Variants in OR6N1 observed in about 807,000 individuals in gnomAD.
OR6N1 encodes the protein olfactory receptor 6N1.
For synonymous variants in OR6N1, 170 were observed against 150.7 expected (o/e 1.13, Z -0.94); for missense variants, 394 against 371.7 (o/e 1.06, Z -0.49).
the OR6N1 span, among the ~76,000 whole-genome samples, chr1:158,811,502 G>A: frequency 2.0e-5 from 3 of 152,012 alleles, no homozygotes; most frequent in African/African-American, 4.8e-5. Context: ...ATCACTATCA[G>A]CATCATTTTC....
chr1:158,776,999 A>G (rs772614583), upstream of OR6N1: 2 of 1,614,176 alleles, frequency 1.2e-6, no homozygotes, highest in East Asian at 4.5e-5. Context: ...ATCATGATAA[A>G]GAAGAAAGTG....
At chr1:158,827,432 C>A in the OR6N1 span, among the ~76,000 whole-genome samples, 1 of 152,274 alleles carries the variant, frequency 6.6e-6, no homozygotes, top group Admixed American at 6.5e-5. Context: ...AAATAATCAT[C>A]CATTTCCTGG....
chr1:158,818,958 G>A, the OR6N1 span, among the ~76,000 whole-genome samples: 1 of 152,110 alleles, frequency 6.6e-6, no homozygotes, highest in African/African-American at 2.4e-5. Context: ...AAGCAACTCA[G>A]GGGAATAGAA....
At chr1:158,816,877 G>A in the OR6N1 span, among the ~76,000 whole-genome samples, 3 of 152,316 alleles carry the variant, frequency 2.0e-5, no homozygotes, top group African/African-American at 7.2e-5. Flanking sequence ...TAAGATGGAA[G>A]GGATGTAAGC....
At chr1:158,824,235 T>C in the OR6N1 span, among the ~76,000 whole-genome samples, 2 of 152,112 alleles carry the variant, frequency 1.3e-5, no homozygotes, top group Non-Finnish European at 2.9e-5. Context: ...GATGGTTTTA[T>C]AAGGGGGAGT....
the OR6N1 span, among the ~76,000 whole-genome samples, chr1:158,797,378 C>T: frequency 6.6e-6 from 1 of 152,150 alleles, no homozygotes; most frequent in South Asian, 2.1e-4. Context: ...GGGGGGAAAG[C>T]GTTATACTTA....
chr1:158,777,130 C>CA (rs748403716), upstream of OR6N1: 14 of 1,613,950 alleles, frequency 8.7e-6, no homozygotes, highest in Admixed American at 2.2e-4. Context: ...ATTGTAAGCA[C>CA]AAAATGGGAG....
intron 1 of OR6N1, among the ~76,000 whole-genome samples, chr1:158,767,367 C>T (rs1657301611): frequency 6.6e-6 from 1 of 152,174 alleles, no homozygotes. Flanking sequence ...GCAAATCTAT[C>T]TTTCTGCATT....
the OR6N1 span, among the ~76,000 whole-genome samples, chr1:158,790,855 G>T: frequency 4.3e-4 from 66 of 152,218 alleles, no homozygotes; most frequent in Non-Finnish European, 7.8e-4. Context: ...ACATGTTAAG[G>T]GTGGGACCAG....
At chr1:158,791,786 T>C in the OR6N1 span, among the ~76,000 whole-genome samples, 3 of 152,160 alleles carry the variant, frequency 2.0e-5, no homozygotes, top group Non-Finnish European at 4.4e-5. Flanking sequence ...TTTTTAAAAG[T>C]TTATTGAGAC....
the OR6N1 span, among the ~76,000 whole-genome samples, chr1:158,829,719 T>G: frequency 6.6e-6 from 1 of 152,208 alleles, no homozygotes; most frequent in Non-Finnish European, 1.5e-5. Context: ...CTACTCCTGG[T>G]ACCAATTTAC....
At chr1:158,828,757 C>T in the OR6N1 span, among the ~76,000 whole-genome samples, 4 of 152,208 alleles carry the variant, frequency 2.6e-5, no homozygotes, top group Admixed American at 2.0e-4. Context: ...TCCAGCCCCA[C>T]GTTTCCCTTC....
chr1:158,766,511 G>A lies in OR6N1; in HGVS notation c.172C>T (p.Pro58Ser), dbSNP rs376841145. 1.2e-6 allele frequency: 2 copies of A among 1,614,148 alleles called. No homozygotes were observed. Among genetic ancestry groups the A allele is most frequent in the East Asian group, 2.2e-5 (1 of 44,878 alleles). The change falls in exon 2 of 2, where the codon CCC becomes TCC. Residue 58 changes from proline to serine, a missense_variant. By Grantham distance (74) the Pro-to-Ser change is moderately conservative (BLOSUM62 -1). Transcript: ENST00000641846. ...AGAATGCTGACAAAGTGGTACATGGGTGTGTGAAGCCGGGAGTCCAGGCAG... is the reference window on the plus strand; with the variant it reads ...AGAATGCTGACAAAGTGGTACATGGATGTGTGAAGCCGGGAGTCCAGGCAG... ...VVCLDSRLHT[P>S]MYHFVSILSF...
the OR6N1 span, among the ~76,000 whole-genome samples, chr1:158,789,431 T>A: frequency 2.6e-5 from 4 of 152,220 alleles, no homozygotes. Context: ...TTTTCCAAAG[T>A]GGCTGTACTA....
the OR6N1 span, among the ~76,000 whole-genome samples, chr1:158,827,837 C>T: frequency 6.6e-6 from 1 of 152,162 alleles, no homozygotes; most frequent in African/African-American, 2.4e-5. Flanking sequence ...CTGATAAAGG[C>T]ATACCTGAGA....
At chr1:158,831,944 A>G in the OR6N1 span, among the ~76,000 whole-genome samples, 1 of 152,166 alleles carries the variant, frequency 6.6e-6, no homozygotes, top group Admixed American at 6.5e-5. Flanking sequence ...TAAAAAATAA[A>G]CCAGGATATA....
chr1:158,805,067 C>G, the OR6N1 span, among the ~76,000 whole-genome samples: 1 of 152,306 alleles, frequency 6.6e-6, no homozygotes, highest in East Asian at 1.9e-4. Flanking sequence ...ACTTTTAAAA[C>G]AACTATGTAA....
chr1:158,814,035 T>C, the OR6N1 span, among the ~76,000 whole-genome samples: 2 of 152,178 alleles, frequency 1.3e-5, no homozygotes, highest in Non-Finnish European at 2.9e-5. Context: ...ACATGAATTT[T>C]AAGAATGCAT....
the OR6N1 span, chr1:158,777,309 C>T: frequency 6.6e-5 from 107 of 1,613,928 alleles, no homozygotes; most frequent in East Asian, 1.8e-4. Context: ...AGCATTCAGA[C>T]GCTCCCAAGG....
Sources: gnomAD v4.1 joint callset for allele counts (sites outside exome capture counted in the v4.1 genomes callset) on GRCh38, gnomAD v4.1.1 for gene constraint, MANE v1.5 for transcripts, NCBI Gene and HGNC (gene_info 2026-07-23, HGNC 2026-07-21) for gene names.